HPCAL1: variants seen among roughly 807,000 people sequenced by gnomAD.
The protein encoded by HPCAL1 is hippocalcin like 1.
Under a neutral mutation model 17.1 loss-of-function variants are expected in HPCAL1, and 8 were observed. That is an observed-to-expected ratio of 0.47 (90% CI 0.27 to 0.84). The LOEUF (loss-of-function observed/expected upper bound fraction) is 0.84. Among genes scored for constraint, HPCAL1 ranks in the 40% least tolerant of loss-of-function variants. HPCAL1 has a pLI of 0.13. For synonymous variants in HPCAL1, 112 were observed against 111.4 expected (o/e 1.01, Z -0.03); for missense variants, 165 against 271.1 (o/e 0.61, Z 2.75).
intron 1 of HPCAL1, among the ~76,000 whole-genome samples, chr2:10,375,515 G>A (rs1240110410): frequency 6.6e-6 from 1 of 152,220 alleles, no homozygotes; most frequent in Admixed American, 6.5e-5. Flanking sequence ...GAAGCTTGAA[G>A]AAAAGTGGTT....
At chr2:10,411,083 T>G (rs192057786) in intron 2 of HPCAL1, among the ~76,000 whole-genome samples, 172 of 152,294 alleles carry the variant, frequency 1.1e-3, no homozygotes, top group African/African-American at 4.0e-3. Flanking sequence ...AGTGTGTGTG[T>G]GGCCGTCACC....
intron 1 of HPCAL1, among the ~76,000 whole-genome samples, chr2:10,347,100 G>A (rs1248103543): frequency 7.2e-5 from 11 of 152,024 alleles, no homozygotes; most frequent in African/African-American, 2.4e-4. Flanking sequence ...AGAGAGCCCC[G>A]CACCGCCCCC....
At chr2:10,405,237 A>G (rs1460107168) in intron 2 of HPCAL1, among the ~76,000 whole-genome samples, 2 of 152,228 alleles carry the variant, frequency 1.3e-5, no homozygotes, top group East Asian at 1.9e-4. Flanking sequence ...TGCTCCCAGC[A>G]GCACCCCTCA....
At chr2:10,399,527 CACT>C (rs1158589888) in intron 2 of HPCAL1, among the ~76,000 whole-genome samples, 2 of 123,858 alleles carry the variant, frequency 1.6e-5, no homozygotes, top group African/African-American at 3.8e-5. Flanking sequence ...CCACCACCGC[CACT>C]GCCACCGCCA....
chr2:10,329,075 T>C (rs2125415397), intron 1 of HPCAL1, among the ~76,000 whole-genome samples: 1 of 152,290 alleles, frequency 6.6e-6, no homozygotes, highest in South Asian at 2.1e-4. Flanking sequence ...AGTGTCCTCC[T>C]GCCTCGGCCT....
intron 3 of HPCAL1, 45 bp downstream of exon 3, chr2:10,420,180 C>CCTCCCAG (rs771158055): frequency 3.2e-5 from 49 of 1,540,166 alleles, no homozygotes; most frequent in Non-Finnish European, 4.0e-5. Context: ...GCCCAGGTCC[C>CCTCCCAG]CTCCCAGCTC....
chr2:10,355,103 G>T (rs1034417478), intron 1 of HPCAL1, among the ~76,000 whole-genome samples: 1 of 152,336 alleles, frequency 6.6e-6, no homozygotes, highest in Non-Finnish European at 1.5e-5. Context: ...CTGGGGCTAG[G>T]TGGTGGCAGC....
Position 10,394,847 on chromosome 2 carries a change from G to A in HPCAL1, c.-110-1988G>A, listed in dbSNP as rs1212674107. ...ACATTTCACTGTCACCCAGGCTGGA[G>A]TGCAGTGGTGTGATCTCGGCTCACT... On this transcript the variant is annotated intron_variant, in intron 1 of 4. Coordinates refer to ENST00000307845, the MANE Select transcript of HPCAL1 (RefSeq NM_002149.4). The surrounding 1 kb of genome is among the most constrained non-coding windows in gnomAD (Gnocchi z 5.0). 1.3e-5 allele frequency among the ~76,000 whole-genome samples: 2 copies of A among 152,088 alleles called. No homozygotes were observed. Among genetic ancestry groups the A allele is most frequent in the Non-Finnish European group, 2.9e-5 (2 of 68,012 alleles).
chr2:10,311,610 G>T (rs542091556), intron 1 of HPCAL1, among the ~76,000 whole-genome samples: 58 of 152,210 alleles, frequency 3.8e-4, no homozygotes, highest in East Asian at 9.6e-4. Flanking sequence ...CAGTGTGGAT[G>T]GGAGTGGGGG....
chr2:10,319,384 G>T (rs889408204), intron 1 of HPCAL1, among the ~76,000 whole-genome samples: 18 of 152,296 alleles, frequency 1.2e-4, no homozygotes, highest in African/African-American at 4.3e-4. Flanking sequence ...CTTTTTGTCT[G>T]CCAGGCAGGG....
At chr2:10,416,906 T>TAG (rs1670709440) in intron 2 of HPCAL1, among the ~76,000 whole-genome samples, 1 of 152,054 alleles carries the variant, frequency 6.6e-6, no homozygotes, top group Non-Finnish European at 1.5e-5. Context: ...TATCTGCACA[T>TAG]TGTTCTGAGT....
rs1279470352 is a variant in HPCAL1, at chr2:10,323,961, A to G, written c.-111+20784A>G. ...GTCTAAAGGATGTACTTCACCATGC[A>G]AAAGCTCTTGTCATTTCAGAAAAGG... On this transcript the variant is annotated intron_variant, in intron 1 of 4. Transcript: ENST00000307845. The surrounding 1 kb of genome is among the most constrained non-coding windows in gnomAD (Gnocchi z 4.6). 1.3e-5 allele frequency among the ~76,000 whole-genome samples: 2 copies of G among 152,252 alleles called. No individual in the cohort carries two copies. The highest frequency in any genetic ancestry group is 3.8e-4 in the East Asian group (2 of 5,202).
intron 1 of HPCAL1, among the ~76,000 whole-genome samples, chr2:10,345,832 A>G (rs1321037748): frequency 6.6e-6 from 1 of 152,234 alleles, no homozygotes. Context: ...ACTGTAAAAT[A>G]GAAAATATAA....
At position 10,359,070 on chromosome 2, in the gene HPCAL1, C is replaced by T. The variant is rs1402264677; in HGVS notation, c.-110-37765C>T. ...TCTGCATGCTCCCCTCGAGGTTTGA[C>T]CCGTCTGCATGCTCCCCTAGAGGTT... On this transcript the variant is annotated intron_variant, in intron 1 of 4. Transcript: ENST00000307845. The surrounding 1 kb of genome is among the most constrained non-coding windows in gnomAD (Gnocchi z 4.1). Among the ~76,000 whole-genome samples, 2 of 149,382 alleles carry T rather than the reference C, an allele frequency of 1.3e-5. No individual in the cohort carries two copies. Among genetic ancestry groups the T allele is most frequent in the Non-Finnish European group, 2.9e-5 (2 of 67,936 alleles).
chr2:10,375,363 G>A (rs1180231182), intron 1 of HPCAL1, among the ~76,000 whole-genome samples: 1 of 152,190 alleles, frequency 6.6e-6, no homozygotes, highest in Non-Finnish European at 1.5e-5. Flanking sequence ...CTCCCACCTG[G>A]ACACTCAGTG....
In HPCAL1 at chr2:10,304,156, C is replaced by A. The variant is rs116267545; in HGVS notation, c.-111+979C>A. On this transcript the variant is annotated intron_variant, in intron 1 of 4. Transcript: ENST00000307845. This position sits in a 1 kb window ranked among gnomAD's most constrained non-coding sequence, Gnocchi z 4.1. ...GGGCGGCGCCGCCTCCGCGAGTGCC[C>A]GAGAGCGCCGCGCTGGGCGCCGGCC... 4.4e-4 allele frequency among the ~76,000 whole-genome samples: 67 copies of A among 152,272 alleles called. No homozygotes were observed. The East Asian group carries it at 0.011, about 25-fold the overall frequency.
intron 1 of HPCAL1, among the ~76,000 whole-genome samples, chr2:10,385,617 C>A (rs1668254470): frequency 6.6e-6 from 1 of 152,174 alleles, no homozygotes; most frequent in Non-Finnish European, 1.5e-5. Flanking sequence ...TGGACGATGG[C>A]AGAATCCGGT....
chr2:10,358,227 A>G (rs183137197), intron 1 of HPCAL1, among the ~76,000 whole-genome samples: 215 of 152,328 alleles, frequency 1.4e-3, no homozygotes, highest in Non-Finnish European at 2.5e-3. Context: ...TTTGTGATAG[A>G]AAGGATGAGG....
intron 4 of HPCAL1, chr2:10,424,256 T>C (rs1394475602): frequency 2.9e-6 from 1 of 342,506 alleles, no homozygotes; most frequent in Admixed American, 3.8e-5. Context: ...CAAAGAGCAT[T>C]CCAGGCAGCC....
Sources: gnomAD v4.1 joint callset for allele counts (sites outside exome capture counted in the v4.1 genomes callset) on GRCh38, gnomAD v4.1.1 for gene constraint, Gnocchi (gnomAD v3.1) non-coding constraint, MANE v1.5 for transcripts, NCBI Gene and HGNC (gene_info 2026-07-23, HGNC 2026-07-21) for gene names.